The following EYS variants were observed in gnomAD, a reference collection of about 807,000 sequenced individuals.
The protein encoded by EYS is protein eyes shut homolog.
In EYS, 250 loss-of-function variants were observed where a neutral mutation model predicts 282.1. The ratio of observed to expected loss-of-function variants is 0.89; its 90% CI spans 0.80 to 0.98. The LOEUF is 0.98. EYS is among the 50% of genes least tolerant of loss of function. EYS has a pLI of 0.00. For missense variants in EYS, 4,016 were observed against 3,709.0 expected (o/e 1.08, Z -2.15); for synonymous variants, 1,355 against 1,282.9 (o/e 1.06, Z -1.20).
chr6:64,453,429 C>G (rs1157702524), intron 26 of EYS, among the ~76,000 whole-genome samples: 1 of 152,144 alleles, frequency 6.6e-6, no homozygotes, highest in Non-Finnish European at 1.5e-5. Flanking sequence ...CTAGTTCAAC[C>G]ATTGTGGAAG....
chr6:64,294,478 T>C (rs1224165084), intron 30 of EYS, among the ~76,000 whole-genome samples: 1 of 152,204 alleles, frequency 6.6e-6, no homozygotes, highest in Non-Finnish European at 1.5e-5. Context: ...AGTGATATAA[T>C]TAATATAAAA....
intron 15 of EYS, among the ~76,000 whole-genome samples, chr6:64,935,157 T>C (rs1475103170): frequency 6.6e-6 from 1 of 151,698 alleles, no homozygotes; most frequent in African/African-American, 2.4e-5. Context: ...ACAATAAATG[T>C]AACAAGGGTG....
At chr6:64,476,738 T>C (rs1308315002) in intron 26 of EYS, among the ~76,000 whole-genome samples, 1 of 152,168 alleles carries the variant, frequency 6.6e-6, no homozygotes, top group East Asian at 1.9e-4. Context: ...AAATATGTCA[T>C]AAGGGAACAC....
intron 5 of EYS, among the ~76,000 whole-genome samples, chr6:65,475,332 T>G (rs1358398941): frequency 6.6e-6 from 1 of 152,266 alleles, no homozygotes; most frequent in African/African-American, 2.4e-5. Context: ...TGCTTTTCAT[T>G]TATTCAATAA....
At chr6:65,462,687 A>G (rs1200120164) in intron 5 of EYS, among the ~76,000 whole-genome samples, 1 of 152,072 alleles carries the variant, frequency 6.6e-6, no homozygotes, top group African/African-American at 2.4e-5. Context: ...CTTAAATTTT[A>G]CAGGAACTTT....
chr6:63,872,548 G>A (rs1360469357), intron 35 of EYS, among the ~76,000 whole-genome samples: 1 of 141,226 alleles, frequency 7.1e-6, no homozygotes, highest in Non-Finnish European at 1.5e-5. Flanking sequence ...GTGTGAATTC[G>A]GTTCACTGCA....
At chr6:65,541,718 G>T (rs1768175045) in intron 2 of EYS, among the ~76,000 whole-genome samples, 1 of 151,846 alleles carries the variant, frequency 6.6e-6, no homozygotes, top group Admixed American at 6.6e-5. Flanking sequence ...GGATAATAGT[G>T]TATTTATTAG....
intron 12 of EYS, among the ~76,000 whole-genome samples, chr6:65,088,756 C>A (rs967745935): frequency 1.3e-5 from 2 of 152,092 alleles, no homozygotes; most frequent in African/African-American, 4.8e-5. Context: ...GTGTCAGAGA[C>A]CTTCATGGCA....
At chr6:64,007,883 G>T (rs1329702921) in intron 33 of EYS, among the ~76,000 whole-genome samples, 1 of 152,134 alleles carries the variant, frequency 6.6e-6, no homozygotes, top group Non-Finnish European at 1.5e-5. Context: ...GTTTAAATTT[G>T]CTGAGGATTG....
chr6:65,658,007 A>AT (rs1419052170), intron 1 of EYS, among the ~76,000 whole-genome samples: 7 of 151,866 alleles, frequency 4.6e-5, no homozygotes, highest in African/African-American at 1.7e-4. Flanking sequence ...TTTTAGCAAG[A>AT]AAGTATTTTT....
chr6:64,348,949 C>T (rs990853114), intron 29 of EYS, among the ~76,000 whole-genome samples: 4 of 151,222 alleles, frequency 2.6e-5, no homozygotes, highest in Admixed American at 1.3e-4. Context: ...GTAGTTTTAC[C>T]CAGTGCTTTT....
chr6:65,688,893 T>C (rs1031435599), intron 1 of EYS, among the ~76,000 whole-genome samples: 37 of 151,666 alleles, frequency 2.4e-4, no homozygotes, highest in Middle Eastern at 3.4e-3. Context: ...GGAGAGGATG[T>C]GGAGAAATAG....
At chr6:64,985,344 CTAAT>C (rs1371554273) in intron 14 of EYS, among the ~76,000 whole-genome samples, 2 of 151,438 alleles carry the variant, frequency 1.3e-5, no homozygotes, top group Non-Finnish European at 3.0e-5. Flanking sequence ...GGGGATCTGA[CTAAT>C]TAAGCCTATC....
intron 13 of EYS, among the ~76,000 whole-genome samples, chr6:65,042,505 AT>A (rs1466410788): frequency 6.7e-6 from 1 of 150,184 alleles, no homozygotes; most frequent in Admixed American, 6.7e-5. Flanking sequence ...CCCTTTTTAA[AT>A]TTTTTTTTAC....
chr6:65,047,417 GT>G (rs1454493933), intron 13 of EYS, among the ~76,000 whole-genome samples: 2 of 151,416 alleles, frequency 1.3e-5, no homozygotes, highest in Non-Finnish European at 3.0e-5. Context: ...CCTGTTTTTT[GT>G]TTCAAATCTA....
rs377227226 is a variant in EYS, at chr6:65,490,486, G to A, written c.862+108C>T. On this transcript the variant is annotated intron_variant, in intron 5 of 42. Coordinates refer to ENST00000503581, the MANE Select transcript of EYS (RefSeq NM_001142800.2). Reference sequence around the variant, plus strand: ...AAAGAGTTCAGTATATATACCTTCTGAAATTGTATTTTTCAATAATAAAGG... The same window carrying A: ...AAAGAGTTCAGTATATATACCTTCTAAAATTGTATTTTTCAATAATAAAGG... 73 of 734,312 alleles carry A rather than the reference G, an allele frequency of 9.9e-5. No homozygotes were observed. In the East Asian group the frequency reaches 1.2e-3, roughly 12 times the overall value. The allele number at this position is 734,312 out of a possible 1,614,324, so 45.5% of individuals were successfully genotyped here. A position where few individuals can be genotyped will look rare whatever the true frequency, so the allele number is the denominator to read the frequency against.
chr6:64,526,303 T>C (rs1337516), intron 26 of EYS, among the ~76,000 whole-genome samples: 33,863 of 151,510 alleles, frequency 0.22, 4,615 homozygotes, highest in Non-Finnish European at 0.3. Context: ...GCTGACATTC[T>C]ACTATAGTAC....
chr6:65,631,333 C>A (rs1387799), intron 2 of EYS, among the ~76,000 whole-genome samples: 8 of 152,160 alleles, frequency 5.3e-5, no homozygotes, highest in Non-Finnish European at 1.2e-4. Flanking sequence ...CATATCATTT[C>A]TGGACCAAAG....
chr6:64,930,563 G>GT, intron 15 of EYS, among the ~76,000 whole-genome samples: 1 of 149,976 alleles, frequency 6.7e-6, no homozygotes, highest in Non-Finnish European at 1.5e-5. Flanking sequence ...ATAATCACAA[G>GT]TTTTTAACTT....
Sources: gnomAD v4.1 joint callset for allele counts (sites outside exome capture counted in the v4.1 genomes callset) on GRCh38, gnomAD v4.1.1 for gene constraint, MANE v1.5 for transcripts, NCBI Gene and HGNC (gene_info 2026-07-23, HGNC 2026-07-21) for gene names.